Variants in FABP7 observed in about 807,000 individuals in gnomAD.
FABP7 encodes the protein fatty acid binding protein 7.
A neutral mutation model predicts 14.2 loss-of-function variants in FABP7; 13 were observed. The observed-to-expected ratio is 0.91, with a 90% CI of 0.59 to 1.45. The LOEUF is 1.45. FABP7 is among the 40% of genes most tolerant of loss of function. The pLI, the probability that FABP7 is intolerant of heterozygous loss-of-function variation, is 0.00. For missense variants in FABP7, 149 were observed against 157.6 expected, an observed-to-expected ratio of 0.95 and a Z score of 0.29; for synonymous variants, 49 against 51.4, an observed-to-expected ratio of 0.95 and a Z score of 0.20.
chr6:122,779,598 T>G, upstream of FABP7: 1 of 600,418 alleles, frequency 1.7e-6, no homozygotes, highest in Non-Finnish European at 3.0e-6. Flanking sequence ...TCCCTTCTCC[T>G]CTCTCTGTGA....
chr6:122,781,008 A>G (rs1780767220), intron 2 of FABP7, 85 bp from the exon 3 acceptor site: 3 of 1,463,618 alleles, frequency 2.0e-6, no homozygotes, highest in Non-Finnish European at 2.7e-6. Context: ...CAATTATACA[A>G]CTCTTTCAAA....
the FABP7 span, among the ~76,000 whole-genome samples, chr6:122,756,860 T>C: frequency 0.077 from 11,777 of 152,276 alleles, 557 homozygotes; most frequent in Middle Eastern, 0.15. Flanking sequence ...GCTTCTGATA[T>C]ATGACACTAT....
chr6:122,781,299 T>A (rs1205594231), intron 3 of FABP7, 105 bp downstream of exon 3: 1 of 1,554,652 alleles, frequency 6.4e-7, no homozygotes, highest in African/African-American at 1.4e-5. Context: ...TCCTCCTTCC[T>A]TCCTTCTTTA....
chr6:122,778,432 C>T (rs967774891), upstream of FABP7, among the ~76,000 whole-genome samples: 4 of 152,236 alleles, frequency 2.6e-5, no homozygotes, highest in Middle Eastern at 3.4e-3. Context: ...CGCCACCTAG[C>T]GTAGGAGGCC....
At chr6:122,778,944 C>G (rs776474079), upstream of FABP7, among the ~76,000 whole-genome samples, 1 of 152,146 alleles carries the variant, frequency 6.6e-6, no homozygotes, top group East Asian at 1.9e-4. Flanking sequence ...GAAAAGCATT[C>G]TTTTATTTAT....
the FABP7 span, among the ~76,000 whole-genome samples, chr6:122,764,995 C>A: frequency 1.3e-5 from 2 of 152,148 alleles, no homozygotes; most frequent in African/African-American, 4.8e-5. Flanking sequence ...AATGTAGTTT[C>A]TTCCTGCAGA....
chr6:122,770,362 T>A, the FABP7 span, among the ~76,000 whole-genome samples: 1 of 152,258 alleles, frequency 6.6e-6, no homozygotes, highest in South Asian at 2.1e-4. Flanking sequence ...TCTTCCTTGC[T>A]GCATAACACA....
the FABP7 span, among the ~76,000 whole-genome samples, chr6:122,772,781 C>A: frequency 5.9e-5 from 9 of 152,266 alleles, no homozygotes; most frequent in Admixed American, 4.6e-4. Context: ...ACAGATAATT[C>A]ACTCATTTTT....
Position 122,784,011 on chromosome 6 carries a change from G to A in FABP7, c.*244G>A, listed in dbSNP as rs550535533. 121 of 333,530 alleles carry A rather than the reference G, an allele frequency of 3.6e-4. No homozygotes were observed. Among genetic ancestry groups the A allele is most frequent in the African/African-American group, 3.0e-3 (114 of 38,158 alleles). The allele number at this position is 333,530 out of a possible 1,614,324, so 20.7% of individuals were successfully genotyped here. A position where few individuals can be genotyped will look rare whatever the true frequency, so the allele number is the denominator to read the frequency against. On this transcript the variant is annotated 3_prime_UTR_variant, in exon 4 of 4. Transcript: ENST00000368444. ...CCCCCCCTTTTTTTTATAAACAAGTGAATACATTTTATAATTTCTTTTGGA... is the reference window on the plus strand; with the variant it reads ...CCCCCCCTTTTTTTTATAAACAAGTAAATACATTTTATAATTTCTTTTGGA...
chr6:122,769,277 T>G, the FABP7 span, among the ~76,000 whole-genome samples: 1 of 152,146 alleles, frequency 6.6e-6, no homozygotes, highest in Non-Finnish European at 1.5e-5. Flanking sequence ...ACTAATTTCC[T>G]TTTATATATT....
intron 2 of FABP7, 67 bp downstream of exon 2, chr6:122,780,530 C>A: frequency 2.0e-6 from 3 of 1,477,208 alleles, no homozygotes; most frequent in Non-Finnish European, 1.9e-6. Context: ...ATTTCCAATG[C>A]ATGTTTTTTT....
chr6:122,759,047 T>C, the FABP7 span, among the ~76,000 whole-genome samples: 1 of 152,144 alleles, frequency 6.6e-6, no homozygotes, highest in Non-Finnish European at 1.5e-5. Flanking sequence ...TCTTCTTGAG[T>C]TTTTCCTTTA....
At chr6:122,751,189 A>T in the FABP7 span, among the ~76,000 whole-genome samples, 3 of 152,158 alleles carry the variant, frequency 2.0e-5, no homozygotes, top group East Asian at 5.8e-4. Flanking sequence ...TTTATTCTTA[A>T]CCTCTGCATG....
the FABP7 span, among the ~76,000 whole-genome samples, chr6:122,754,905 A>G: frequency 6.6e-6 from 1 of 151,990 alleles, no homozygotes; most frequent in Admixed American, 6.5e-5. Context: ...TTTCAATTAC[A>G]ATGTTCTCCA....
Position 122,780,277 on chromosome 6 carries a change from C to T in FABP7, c.74-14C>T. 6.2e-7 allele frequency: 1 copy of T among 1,613,838 alleles called. No individual in the cohort carries two copies. The highest frequency in any genetic ancestry group is 8.5e-7 in the Non-Finnish European group (1 of 1,179,926). ...AAGTCGCTGCAGACTGTACTGTTCC[C>T]TTTGCTATTTTAGGCGTGGGCTTTG... On this transcript the variant is annotated splice_polypyrimidine_tract_variant and intron_variant, in intron 1 of 3. Transcript: ENST00000368444.
At chr6:122,779,306 G>A (rs932132263), upstream of FABP7, among the ~76,000 whole-genome samples, 8 of 152,200 alleles carry the variant, frequency 5.3e-5, no homozygotes, top group African/African-American at 1.9e-4. Context: ...GTCCTCATTT[G>A]TGACCAGCTT....
chr6:122,778,642 T>C (rs1780713691), upstream of FABP7, among the ~76,000 whole-genome samples: 1 of 152,110 alleles, frequency 6.6e-6, no homozygotes, highest in Non-Finnish European at 1.5e-5. Flanking sequence ...GAAGGGGAAT[T>C]TCAGAGACTT....
At chr6:122,765,175 CTA>C in the FABP7 span, among the ~76,000 whole-genome samples, 2 of 152,104 alleles carry the variant, frequency 1.3e-5, no homozygotes, top group Non-Finnish European at 2.9e-5. Flanking sequence ...ATGGAAAAGA[CTA>C]TGGGCAATCA....
chr6:122,782,427 T>C (rs1780813718), intron 3 of FABP7: 1 of 713,880 alleles, frequency 1.4e-6, no homozygotes. Flanking sequence ...ATTACTCTGA[T>C]CCATTTCTGA....
Sources: gnomAD v4.1 joint callset for allele counts (sites outside exome capture counted in the v4.1 genomes callset) on GRCh38, gnomAD v4.1.1 for gene constraint, MANE v1.5 for transcripts, NCBI Gene and HGNC (gene_info 2026-07-23, HGNC 2026-07-21) for gene names.